Variants in CAMTA1 observed in about 807,000 individuals in gnomAD.
CAMTA1 encodes calmodulin binding transcription activator 1.
In CAMTA1, 27 loss-of-function variants were observed where a neutral mutation model predicts 170.9. The ratio of observed to expected loss-of-function variants is 0.16; its 90% CI spans 0.12 to 0.22. The LOEUF (loss-of-function observed/expected upper bound fraction) is 0.22, where lower values mean the gene tolerates loss of function less well. CAMTA1 is among the 10% of genes least tolerant of loss of function. The pLI is 1.00. For missense variants in CAMTA1, 1,619 were observed against 2,217.2 expected (o/e 0.73, Z 5.42); for synonymous variants, 833 against 891.5 (o/e 0.93, Z 1.17).
intron 3 of CAMTA1, among the ~76,000 whole-genome samples, chr1:7,079,042 G>A (rs143897431): frequency 3.9e-5 from 6 of 152,310 alleles, no homozygotes; most frequent in Non-Finnish European, 7.3e-5. Flanking sequence ...TGGACAAAGT[G>A]CACATAGGGG....
intron 5 of CAMTA1, among the ~76,000 whole-genome samples, chr1:7,410,239 T>C (rs2090614951): frequency 6.6e-6 from 1 of 152,142 alleles, no homozygotes; most frequent in African/African-American, 2.4e-5. Context: ...ACCTGGGAAA[T>C]AGAGACAGAA....
chr1:6,815,531 G>A (rs1352192036), intron 1 of CAMTA1, among the ~76,000 whole-genome samples: 1 of 152,118 alleles, frequency 6.6e-6, no homozygotes, highest in Non-Finnish European at 1.5e-5. Flanking sequence ...CAGAAACTGG[G>A]CACTATACTT....
chr1:6,976,046 TC>T (rs1347386584), intron 3 of CAMTA1, among the ~76,000 whole-genome samples: 1 of 152,214 alleles, frequency 6.6e-6, no homozygotes. Context: ...TCTTGAATGC[TC>T]ACTCGAGCCA....
chr1:6,991,026 GA>G lies in CAMTA1; in HGVS notation c.235-100277del, dbSNP rs1696289326. On this transcript the variant is annotated intron_variant, in intron 3 of 22. Coordinates refer to ENST00000303635, the MANE Select transcript of CAMTA1 (RefSeq NM_015215.4). The stretch of plus-strand genomic sequence containing the variant: ...GCTTCCTTCATTCAGCATGTTTTTT[GA>G]GATTCATCTGTGTTGTTGCAAGTAT... Among the ~76,000 whole-genome samples, 3 of 151,944 alleles carry G rather than the reference GA, an allele frequency of 2.0e-5. No individual in the cohort carries two copies. In the South Asian group the frequency reaches 6.2e-4, roughly 32 times the overall value.
chr1:7,542,822 G>A (rs558531731), intron 6 of CAMTA1, among the ~76,000 whole-genome samples: 105 of 131,108 alleles, frequency 8.0e-4, no homozygotes, highest in African/African-American at 2.4e-3. Context: ...AAGCCACCAC[G>A]CCTGGCCTAA....
rs1344755137 is a variant in CAMTA1, at chr1:7,561,605, C to G, written c.511-78795C>G. The stretch of plus-strand genomic sequence containing the variant: ...GAGGGGAGACTGTGGGCGGCTTGCG[C>G]AGCACCCTCTGCAGGCAGAGCTGGT... On this transcript the variant is annotated intron_variant, in intron 6 of 22. Transcript: ENST00000303635. This position sits in a 1 kb window ranked among gnomAD's most constrained non-coding sequence, Gnocchi z 5.3. Among the ~76,000 whole-genome samples the G allele has an allele frequency of 1.3e-5, 2 of 151,980 alleles. No homozygotes were observed. Among genetic ancestry groups the G allele is most frequent in the East Asian group, 3.9e-4 (2 of 5,126 alleles).
At chr1:7,120,788 T>A (rs1644597740) in intron 4 of CAMTA1, among the ~76,000 whole-genome samples, 1 of 152,152 alleles carries the variant, frequency 6.6e-6, no homozygotes, top group Non-Finnish European at 1.5e-5. Context: ...TCCCTATGGG[T>A]CAAGAGGTTT....
intron 3 of CAMTA1, among the ~76,000 whole-genome samples, chr1:7,054,036 A>G (rs1362887581): frequency 6.6e-6 from 1 of 152,152 alleles, no homozygotes; most frequent in Non-Finnish European, 1.5e-5. Context: ...CCCTGTGGGT[A>G]ACCCTGTCAC....
At chr1:7,402,552 A>T (rs2089981823) in intron 5 of CAMTA1, among the ~76,000 whole-genome samples, 1 of 152,142 alleles carries the variant, frequency 6.6e-6, no homozygotes, top group Non-Finnish European at 1.5e-5. Flanking sequence ...GGCCCATTAT[A>T]TGCTGCAGTC....
intron 1 of CAMTA1, among the ~76,000 whole-genome samples, chr1:6,818,215 T>C (rs1646060259): frequency 6.6e-6 from 1 of 152,136 alleles, no homozygotes; most frequent in African/African-American, 2.4e-5. Flanking sequence ...CGGACACCTG[T>C]GATCCCAGCT....
chr1:6,805,968 T>G (rs1011387979), intron 1 of CAMTA1, among the ~76,000 whole-genome samples: 2 of 152,184 alleles, frequency 1.3e-5, no homozygotes, highest in Non-Finnish European at 2.9e-5. Context: ...ACACCTGTGT[T>G]TTTTTGTTAG....
chr1:7,471,801 G>A (rs1174036969), intron 6 of CAMTA1, among the ~76,000 whole-genome samples: 1 of 152,212 alleles, frequency 6.6e-6, no homozygotes, highest in Admixed American at 6.5e-5. Flanking sequence ...ATGGTTTCGA[G>A]GGGTAGGCAG....
rs1031525389 is a variant in CAMTA1 at position 7,685,349 on chromosome 1, T to C, written c.2914+7616T>C. Among the ~76,000 whole-genome samples, 3 of 152,148 alleles carry C rather than the reference T, an allele frequency of 2.0e-5. No individual in the cohort carries two copies. Among genetic ancestry groups the C allele is most frequent in the African/African-American group, 7.2e-5 (3 of 41,420 alleles). On this transcript the variant is annotated intron_variant, in intron 11 of 22. Transcript: ENST00000303635. The surrounding 1 kb of genome is among the most constrained non-coding windows in gnomAD (Gnocchi z 5.7). ...CTGTTGGAATGCTCAGGGACGGCCA[T>C]GGGGCAGCAGGATAGGGCGGCCTCC...
chr1:7,424,690 C>T (rs2091777709), intron 5 of CAMTA1, among the ~76,000 whole-genome samples: 4 of 152,268 alleles, frequency 2.6e-5, no homozygotes, highest in South Asian at 4.2e-4. Context: ...GAGTCATGCT[C>T]CAGGCTCCTG....
intron 3 of CAMTA1, among the ~76,000 whole-genome samples, chr1:7,049,206 C>T (rs867730480): frequency 3.9e-5 from 6 of 152,032 alleles, no homozygotes; most frequent in Non-Finnish European, 8.8e-5. Flanking sequence ...GAAGATCCGG[C>T]GGGGACCAAT....
At chr1:6,880,138 G>C (rs916227569) in intron 3 of CAMTA1, among the ~76,000 whole-genome samples, 3 of 151,650 alleles carry the variant, frequency 2.0e-5, no homozygotes, top group Non-Finnish European at 4.4e-5. Context: ...CTGTTGTCCA[G>C]CCTGGAGTTC....
intron 5 of CAMTA1, among the ~76,000 whole-genome samples, chr1:7,297,417 T>TG (rs968105649): frequency 1.3e-5 from 2 of 152,214 alleles, no homozygotes; most frequent in African/African-American, 4.8e-5. Flanking sequence ...CCTGGCCTTT[T>TG]GGGGAACAAA....
intron 5 of CAMTA1, among the ~76,000 whole-genome samples, chr1:7,431,825 A>C (rs1373345261): frequency 3.3e-5 from 5 of 152,148 alleles, no homozygotes; most frequent in Non-Finnish European, 7.4e-5. Flanking sequence ...CTGATGCCTA[A>C]GCCCCTGGAG....
chr1:7,361,802 G>A (rs845261), intron 5 of CAMTA1, among the ~76,000 whole-genome samples: 95,821 of 152,042 alleles, frequency 0.63, 31,978 homozygotes, highest in Non-Finnish European at 0.75. Flanking sequence ...AGCAAGTAAC[G>A]TAAACCGAGT....
Sources: gnomAD v4.1 joint callset for allele counts (sites outside exome capture counted in the v4.1 genomes callset) on GRCh38, gnomAD v4.1.1 for gene constraint, Gnocchi (gnomAD v3.1) non-coding constraint, MANE v1.5 for transcripts, NCBI Gene and HGNC (gene_info 2026-07-23, HGNC 2026-07-21) for gene names.